Variants in SPAG17 observed in about 807,000 individuals in gnomAD.
SPAG17 encodes the protein sperm associated antigen 17.
A neutral mutation model predicts 273.6 loss-of-function variants in SPAG17; 169 were observed. The observed-to-expected ratio is 0.62, with a 90% CI of 0.55 to 0.70. SPAG17 has a LOEUF of 0.70. SPAG17 is among the 30% of genes least tolerant of loss of function. SPAG17 has a pLI of 0.00. For missense variants in SPAG17, 2,557 were observed against 2,627.8 expected (o/e 0.97, Z 0.59); for synonymous variants, 825 against 873.2 (o/e 0.94, Z 0.97).
At chr1:117,963,988 A>G in intron 47 of SPAG17, 50 bp from the exon 48 acceptor site, 3 of 1,557,204 alleles carry the variant, frequency 1.9e-6, no homozygotes, top group Non-Finnish European at 2.6e-6. Context: ...TTATTTGCAT[A>G]TATAAACCTA....
At chr1:118,046,403 T>C (rs1308023488) in intron 20 of SPAG17, among the ~76,000 whole-genome samples, 6 of 152,132 alleles carry the variant, frequency 3.9e-5, no homozygotes, top group Admixed American at 3.9e-4. Context: ...GTTTAATTTG[T>C]AGCAACACAA....
chr1:118,137,783 T>C (rs1017882206), intron 3 of SPAG17, among the ~76,000 whole-genome samples: 1 of 152,204 alleles, frequency 6.6e-6, no homozygotes, highest in African/African-American at 2.4e-5. Flanking sequence ...GCCTATAATA[T>C]GCACAGTACC....
At chr1:118,116,690 A>T (rs1657099890) in intron 3 of SPAG17, among the ~76,000 whole-genome samples, 1 of 152,244 alleles carries the variant, frequency 6.6e-6, no homozygotes, top group Admixed American at 6.5e-5. Context: ...ACTGGACCTC[A>T]TAGAGATCAC....
chr1:117,953,627 C>T lies in SPAG17; in HGVS notation c.*423G>A. On this transcript the variant is annotated 3_prime_UTR_variant, in exon 49 of 49. Coordinates refer to ENST00000336338, the MANE Select transcript of SPAG17 (RefSeq NM_206996.4). ...GTTTTATTCTGTATCAACCAGAAAGCCATTTTTTTGGCAAAAAGTTGATGA... is the reference window on the plus strand; with the variant it reads ...GTTTTATTCTGTATCAACCAGAAAGTCATTTTTTTGGCAAAAAGTTGATGA... 2.1e-6 allele frequency: 3 copies of T among 1,452,196 alleles called. No homozygotes were observed. In the South Asian group the frequency reaches 3.8e-5, roughly 18 times the overall value. 90.0% of individuals were successfully genotyped at this position (1,452,196 alleles called of 1,614,324 possible). A position where few individuals can be genotyped will look rare whatever the true frequency, so the allele number is the denominator to read the frequency against.
chr1:118,017,274 C>A (rs1427388885), intron 28 of SPAG17, among the ~76,000 whole-genome samples: 1 of 151,940 alleles, frequency 6.6e-6, no homozygotes, highest in Non-Finnish European at 1.5e-5. Context: ...CTCCCTTTTT[C>A]TCCTATTTCC....
chr1:118,021,195 T>G (rs533498379), intron 28 of SPAG17, among the ~76,000 whole-genome samples: 13 of 152,248 alleles, frequency 8.5e-5, no homozygotes, highest in African/African-American at 3.1e-4. Context: ...TAATATCAAT[T>G]AAATTAATAT....
chr1:118,145,716 TAA>T (rs34378706), intron 3 of SPAG17, among the ~76,000 whole-genome samples: 1 of 149,802 alleles, frequency 6.7e-6, no homozygotes, highest in African/African-American at 2.4e-5. Flanking sequence ...CTGACAGGAG[TAA>T]AAAAAAAATT....
chr1:118,177,152 T>C (rs1660731751), intron 1 of SPAG17, among the ~76,000 whole-genome samples: 2 of 152,178 alleles, frequency 1.3e-5, no homozygotes, highest in Non-Finnish European at 1.5e-5. Flanking sequence ...CATATCACTA[T>C]GAAGAAATAC....
chr1:118,120,477 C>T (rs1237821949), intron 3 of SPAG17, among the ~76,000 whole-genome samples: 2 of 152,022 alleles, frequency 1.3e-5, no homozygotes, highest in African/African-American at 4.8e-5. Flanking sequence ...ATTTTATGCC[C>T]AAACTGAAAG....
intron 10 of SPAG17, among the ~76,000 whole-genome samples, chr1:118,090,014 A>G (rs1655262451): frequency 6.6e-6 from 1 of 152,196 alleles, no homozygotes; most frequent in Non-Finnish European, 1.5e-5. Context: ...AGGTCTCTCC[A>G]GCCATGCGGA....
chr1:117,962,177 T>A (rs553705230), intron 48 of SPAG17: 1 of 152,180 alleles, frequency 6.6e-6, no homozygotes, highest in South Asian at 2.1e-4. Flanking sequence ...CTAAGTGTTA[T>A]ACTAATCGAA....
rs748452935 is a variant in SPAG17, at chr1:118,040,761, C to T, written c.3135G>A (p.Gln1045=). 2.5e-6 allele frequency: 4 copies of T among 1,603,822 alleles called. No individual in the cohort carries two copies. The South Asian group carries it at 4.4e-5, about 18-fold the overall frequency. Residue 1045 remains glutamine, a synonymous_variant, in exon 22 of 49, where the codon CAG becomes CAA. Coordinates refer to ENST00000336338, the MANE Select transcript of SPAG17 (RefSeq NM_206996.4). ...CAAACATTGTCTTTTCCACTTCAAT[C>T]TGCCCCCCATCAGAAGGATACAGGT... ...NYYLYPSDGG[Q]IEVEKTMFEK...
chr1:118,078,151 C>T (rs1268201312), intron 15 of SPAG17, among the ~76,000 whole-genome samples: 2 of 152,058 alleles, frequency 1.3e-5, no homozygotes, highest in Non-Finnish European at 2.9e-5. Context: ...TCTACCAATC[C>T]TATTCCATTG....
At chr1:117,990,195 A>G (rs548538131) in intron 38 of SPAG17, among the ~76,000 whole-genome samples, 2 of 152,296 alleles carry the variant, frequency 1.3e-5, no homozygotes, top group South Asian at 4.1e-4. Context: ...CTGGATAAAC[A>G]ACAACAACAA....
chr1:118,151,488 G>T, intron 1 of SPAG17, 119 bp from the exon 2 acceptor site: 1 of 1,016,784 alleles, frequency 9.8e-7, no homozygotes, highest in Non-Finnish European at 1.4e-6. Flanking sequence ...AGACAGAGGT[G>T]ACCTTGTAAT....
chr1:118,006,030 CCT>C lies in SPAG17; in HGVS notation c.4588-430_4588-429del, dbSNP rs1043170560. On this transcript the variant is annotated intron_variant, in intron 31 of 48. Coordinates refer to ENST00000336338, the MANE Select transcript of SPAG17 (RefSeq NM_206996.4). ...TAAGTGCTCTTAGAAACTCATCTCT[CCT>C]CTCTCTGGTGGCTGACACGGTCCTT... Among the ~76,000 whole-genome samples, 5 of 152,250 alleles carry C rather than the reference CCT, an allele frequency of 3.3e-5. No individual in the cohort carries two copies. In the South Asian group the frequency reaches 6.2e-4, roughly 19 times the overall value.
chr1:118,016,221 C>G, intron 28 of SPAG17, 39 bp from the exon 29 acceptor site: 1 of 1,483,162 alleles, frequency 6.7e-7, no homozygotes, highest in Non-Finnish European at 9.4e-7. Context: ...AACAATATAA[C>G]TATAGTATCA....
intron 1 of SPAG17, among the ~76,000 whole-genome samples, chr1:118,166,970 C>G (rs919113909): frequency 6.6e-6 from 1 of 151,902 alleles, no homozygotes; most frequent in Non-Finnish European, 1.5e-5. Flanking sequence ...CTTTTTGAGG[C>G]TCAACTAAAT....
At chr1:118,053,549 TA>T (rs1651303693) in intron 20 of SPAG17, among the ~76,000 whole-genome samples, 1 of 151,938 alleles carries the variant, frequency 6.6e-6, no homozygotes, top group South Asian at 2.1e-4. Context: ...AAAGTACTAG[TA>T]AAATAGCCTA....
Sources: gnomAD v4.1 joint callset for allele counts (sites outside exome capture counted in the v4.1 genomes callset) on GRCh38, gnomAD v4.1.1 for gene constraint, MANE v1.5 for transcripts, NCBI Gene and HGNC (gene_info 2026-07-23, HGNC 2026-07-21) for gene names.